CACNB3: variants seen among roughly 807,000 people sequenced by gnomAD.
The protein encoded by CACNB3 is voltage-dependent L-type calcium channel subunit beta-3.
Under a neutral mutation model 63.7 loss-of-function variants are expected in CACNB3, and 36 were observed. The observed-to-expected ratio is 0.57, with a 90% CI of 0.43 to 0.75. CACNB3 has a LOEUF of 0.75. Ranked by LOEUF, CACNB3 falls within the 30% of genes least tolerant of loss-of-function variation. The pLI is 0.00. For synonymous variants in CACNB3, 241 were observed against 250.6 expected, an observed-to-expected ratio of 0.96 and a Z score of 0.36; for missense variants, 493 against 648.6, an observed-to-expected ratio of 0.76 and a Z score of 2.61.
In CACNB3 at chr12:48,819,070, C is replaced by T. The variant is rs542008945; in HGVS notation, c.45+96C>T. On this transcript the variant is annotated intron_variant, in intron 1 of 12. Coordinates refer to ENST00000301050, the MANE Select transcript of CACNB3 (RefSeq NM_000725.4). Reference sequence around the variant, plus strand: ...CGGTTCAGGACTTTGAAAAACGCCTCAGTGGCAGGGCAGGGTTTGTAGGGG... The same window carrying T: ...CGGTTCAGGACTTTGAAAAACGCCTTAGTGGCAGGGCAGGGTTTGTAGGGG... The T allele has an allele frequency of 2.4e-4, 329 of 1,343,474 alleles. 2 individuals are homozygous for T. In the East Asian group the frequency reaches 4.8e-3, roughly 19 times the overall value. The allele number at this position is 1,343,474 out of a possible 1,614,324, so 83.2% of individuals were successfully genotyped here.
In CACNB3 at chr12:48,828,028, C is replaced by G; in HGVS notation, c.*129C>G. On this transcript the variant is annotated 3_prime_UTR_variant, in exon 13 of 13. Coordinates refer to ENST00000301050, the MANE Select transcript of CACNB3 (RefSeq NM_000725.4). ...GCCCCCAAAACCCCCTGCCCAGCCC[C>G]AGCTTCAGGGCTGCCTGTGGTCCCA... 1.3e-6 allele frequency: 1 copy of G among 790,988 alleles called. No individual in the cohort carries two copies. The highest frequency in any genetic ancestry group is 2.0e-6 in the Non-Finnish European group (1 of 491,974). 49.0% of individuals were successfully genotyped at this position (790,988 alleles called of 1,614,324 possible).
In CACNB3 at chr12:48,825,828, C is replaced by T. The variant is rs1938107136; in HGVS notation, c.742+59C>T. 1 of 1,215,636 alleles carries T rather than the reference C, an allele frequency of 8.2e-7. No homozygotes were observed. The allele number at this position is 1,215,636 out of a possible 1,614,324, so 75.3% of individuals were successfully genotyped here. A position where few individuals can be genotyped will look rare whatever the true frequency, so the allele number is the denominator to read the frequency against. ...CTCAAGTGCCAGTGAGAACCTTCCTCCTCCCTTTTCTTTTTTTTGAGATGG... is the reference window on the plus strand; with the variant it reads ...CTCAAGTGCCAGTGAGAACCTTCCTTCTCCCTTTTCTTTTTTTTGAGATGG... On this transcript the variant is annotated intron_variant, in intron 9 of 12. Coordinates refer to ENST00000301050, the MANE Select transcript of CACNB3 (RefSeq NM_000725.4). This position sits in a 1 kb window ranked among gnomAD's most constrained non-coding sequence, Gnocchi z 4.5.
Position 48,826,284 on chromosome 12 carries a change from C to T in CACNB3, c.743-83C>T, listed in dbSNP as rs975190383. ...CCTTTTCCTCCAATTCCTTCCTGTC[C>T]ACCATTCGGGAGCCCTCAAAGCCTG... On this transcript the variant is annotated intron_variant, in intron 9 of 12. Transcript: ENST00000301050. The surrounding 1 kb of genome is among the most constrained non-coding windows in gnomAD (Gnocchi z 4.8). 1.4e-6 allele frequency: 2 copies of T among 1,403,050 alleles called. No homozygotes were observed. The highest frequency in any genetic ancestry group is 1.4e-5 in the African/African-American group (1 of 70,416). 86.9% of individuals were successfully genotyped at this position (1,403,050 alleles called of 1,614,324 possible).
Position 48,823,400 on chromosome 12 carries a change from G to A in CACNB3, c.102G>A (p.Glu34=). The A allele has an allele frequency of 6.2e-7, 1 of 1,614,162 alleles. No homozygotes were observed. ...CTCTGGACTCAGACGTCTCCCTGGA[G>A]GAGGACCGGGAGAGTGCCCGGCGTG... ...RPSLDSDVSL[E]EDRESARREV... is the part of the protein sequence containing the mutation. The change falls in exon 2 of 13, where the codon GAG becomes GAA. Residue 34 remains glutamate (E), a synonymous_variant. Coordinates refer to ENST00000301050, the MANE Select transcript of CACNB3 (RefSeq NM_000725.4). The surrounding 1 kb of genome is among the most constrained non-coding windows in gnomAD (Gnocchi z 4.2).
upstream of CACNB3, chr12:48,814,645 C>A: frequency 7.7e-7 from 1 of 1,293,850 alleles, no homozygotes; most frequent in Non-Finnish European, 1.0e-6. The surrounding 1 kb of genome is among the most constrained non-coding windows in gnomAD (Gnocchi z 6.9). Flanking sequence ...GGGTCTCCTA[C>A]TGGGGGTCTC....
In CACNB3 at chr12:48,818,726, GT is replaced by G. The variant is rs1937661871; in HGVS notation, c.-203del. 2 of 1,288,102 alleles carry G rather than the reference GT, an allele frequency of 1.6e-6. No homozygotes were observed. The highest frequency in any genetic ancestry group is 2.0e-6 in the Non-Finnish European group (2 of 1,019,064). The allele number at this position is 1,288,102 out of a possible 1,614,324, so 79.8% of individuals were successfully genotyped here. A position where few individuals can be genotyped will look rare whatever the true frequency, so the allele number is the denominator to read the frequency against. On this transcript the variant is annotated 5_prime_UTR_variant, in exon 1 of 13. Transcript: ENST00000301050. The surrounding 1 kb of genome is among the most constrained non-coding windows in gnomAD (Gnocchi z 4.3). ...GGTGGGACCGGCTGGGTTTGGGGGG[GT>G]GGGGTGGGGGGAGCGGTGATCTGAG...
upstream of CACNB3, chr12:48,818,327 C>G: frequency 2.8e-6 from 1 of 356,246 alleles, no homozygotes; most frequent in Non-Finnish European, 3.9e-6. This position sits in a 1 kb window ranked among gnomAD's most constrained non-coding sequence, Gnocchi z 4.3. Flanking sequence ...CCTCTCCAGT[C>G]TCCGCCCGGG....
chr12:48,824,792 A>T, intron 5 of CACNB3, 59 bp downstream of exon 5: 1 of 1,571,006 alleles, frequency 6.4e-7, no homozygotes, highest in Non-Finnish European at 8.8e-7. Context: ...ACAGGGAAAG[A>T]GGGGATCCTG....
At chr12:48,822,195 G>A (rs1937886021) in intron 1 of CACNB3, among the ~76,000 whole-genome samples, 2 of 152,092 alleles carry the variant, frequency 1.3e-5, no homozygotes, top group East Asian at 3.9e-4. Context: ...TCTCAGAATT[G>A]TGGGAAGTAT....
Position 48,818,905 on chromosome 12 carries a change from T to A in CACNB3, c.-25T>A. On this transcript the variant is annotated 5_prime_UTR_variant, in exon 1 of 13. Transcript: ENST00000301050. The surrounding 1 kb of genome is among the most constrained non-coding windows in gnomAD (Gnocchi z 4.3). ...GGGCCGCTCCCGCCCCCGGCGCCGC[T>A]CGCTCCCCCGACCCGGACTCCCCCA... is the stretch of plus-strand genomic sequence containing the variant. The A allele has an allele frequency of 6.4e-7, 1 of 1,555,822 alleles. No homozygotes were observed.
At chr12:48,824,788 A>C (rs1296618906) in intron 5 of CACNB3, 55 bp downstream of exon 5, 1 of 1,575,676 alleles carries the variant, frequency 6.3e-7, no homozygotes. Flanking sequence ...AGACACAGGG[A>C]AAGAGGGGAT....
rs1565671763 is a variant in CACNB3, at chr12:48,827,778, C to T, written c.1334C>T (p.Ser445Leu). Residue 445 changes from serine to leucine, a missense_variant, in exon 13 of 13, where the codon TCG becomes TTG. Physicochemically the swap from Ser to Leu is moderately radical, Grantham distance 145. Transcript: ENST00000301050. ...TACCAGCCTCACCGCCAACACACCT[C>T]GGGGCTGCCTAGTGCTAACGGGCAT... Reference protein sequence around the residue: ...DLYQPHRQHTSGLPSANGHDP... With the variant: ...DLYQPHRQHTLGLPSANGHDP... 8 of 1,614,098 alleles carry T rather than the reference C, an allele frequency of 5.0e-6. No homozygotes were observed. Among genetic ancestry groups the T allele is most frequent in the Middle Eastern group, 1.6e-4 (1 of 6,084 alleles).
At position 48,826,594 on chromosome 12, in the gene CACNB3, G is replaced by T. The variant is rs1421208499; in HGVS notation, c.894+76G>T. ...TGTGGCATGATTCTACTTGGTCCCTGCCTGGGGCACCTGAGTTCCCTTTTC... is the reference window on the plus strand; with the variant it reads ...TGTGGCATGATTCTACTTGGTCCCTTCCTGGGGCACCTGAGTTCCCTTTTC... On this transcript the variant is annotated intron_variant, in intron 10 of 12. Transcript: ENST00000301050. The surrounding 1 kb of genome is among the most constrained non-coding windows in gnomAD (Gnocchi z 4.8). 4 of 1,582,174 alleles carry T rather than the reference G, an allele frequency of 2.5e-6. No individual in the cohort carries two copies. The South Asian group carries it at 3.3e-5, about 13-fold the overall frequency.
chr12:48,827,194 A>T, intron 12 of CACNB3, 71 bp downstream of exon 12: 1 of 1,559,472 alleles, frequency 6.4e-7, no homozygotes, highest in Admixed American at 1.7e-5. Flanking sequence ...TGCCCAGAGG[A>T]CTGTCCTTGG....
At chr12:48,827,222 C>A in intron 12 of CACNB3, 99 bp downstream of exon 12, 1 of 1,420,586 alleles carries the variant, frequency 7.0e-7, no homozygotes, top group Non-Finnish European at 9.6e-7. Flanking sequence ...TTCAGCATGC[C>A]AAAGGATTGT....
chr12:48,817,574 C>T (rs967602659), upstream of CACNB3, among the ~76,000 whole-genome samples: 5 of 152,166 alleles, frequency 3.3e-5, no homozygotes, highest in African/African-American at 1.2e-4. Flanking sequence ...GGAAAGAGCT[C>T]AAATGGGTGG....
In CACNB3 at chr12:48,824,362, G is replaced by A. The variant is rs1404982973; in HGVS notation, c.396G>A (p.Glu132=). Residue 132 remains glutamate (E), a synonymous_variant, in exon 4 of 13, where the codon GAG becomes GAA. Transcript: ENST00000301050. ...QRLESIRLKQ[E]QKARRSGNPS... Reference sequence around the variant, plus strand: ...TGGAGAGCATCCGGCTCAAACAGGAGCAGAAGGCCAGGTGAGAGTTGGGCC... The same window carrying A: ...TGGAGAGCATCCGGCTCAAACAGGAACAGAAGGCCAGGTGAGAGTTGGGCC... 5.0e-6 allele frequency: 8 copies of A among 1,607,122 alleles called. No individual in the cohort carries two copies. Among genetic ancestry groups the A allele is most frequent in the Non-Finnish European group, 6.8e-6 (8 of 1,177,282 alleles).
At chr12:48,816,737 GCCGATGGCAGAT>G, upstream of CACNB3, 1 of 504,672 alleles carries the variant, frequency 2.0e-6, no homozygotes, top group Non-Finnish European at 2.6e-6. Flanking sequence ...AAGGAGTGCT[GCCGATGGCAGAT>G]CCGCTGTTAC....
chr12:48,815,904 G>A (rs1354385010), upstream of CACNB3, among the ~76,000 whole-genome samples: 1 of 152,148 alleles, frequency 6.6e-6, no homozygotes, highest in East Asian at 1.9e-4. Context: ...TAGAGAGGAG[G>A]GAGCGGCCAG....
Sources: gnomAD v4.1 joint callset for allele counts (sites outside exome capture counted in the v4.1 genomes callset) on GRCh38, gnomAD v4.1.1 for gene constraint, Gnocchi (gnomAD v3.1) non-coding constraint, MANE v1.5 for transcripts, NCBI Gene and HGNC (gene_info 2026-07-23, HGNC 2026-07-21) for gene names.